Variants in BBOF1 observed in about 807,000 individuals in gnomAD.
BBOF1 encodes basal body-orientation factor 1.
A neutral mutation model predicts 68.0 loss-of-function variants in BBOF1; 62 were observed. The ratio of observed to expected loss-of-function variants is 0.91; its 90% CI spans 0.74 to 1.13. The LOEUF is 1.13. BBOF1 is among the 50% of genes most tolerant of loss of function. BBOF1 has a pLI of 0.00. For synonymous variants in BBOF1, 208 were observed against 198.8 expected (o/e 1.05, Z -0.39); for missense variants, 534 against 600.1 (o/e 0.89, Z 1.15).
intron 6 of BBOF1, 58 bp downstream of exon 6, chr14:74,046,188 C>A: frequency 7.0e-7 from 1 of 1,420,224 alleles, no homozygotes; most frequent in South Asian, 1.3e-5. Flanking sequence ...CTTTGCTGGT[C>A]TCTTTTCTTC....
chr14:74,079,606 G>A (rs2060651606), intron 10 of BBOF1, among the ~76,000 whole-genome samples: 1 of 151,668 alleles, frequency 6.6e-6, no homozygotes, highest in East Asian at 1.9e-4. Flanking sequence ...CTAGTTTTTT[G>A]TATTTTTAGT....
At chr14:74,048,146 G>C (rs569701588) in intron 7 of BBOF1, 72 bp downstream of exon 7, 1 of 1,448,898 alleles carries the variant, frequency 6.9e-7, no homozygotes, top group South Asian at 1.3e-5. Context: ...ACCAAAAATT[G>C]GGTATAATAA....
intron 4 of BBOF1, 57 bp downstream of exon 4, chr14:74,034,228 C>T (rs2059645971): frequency 2.6e-6 from 3 of 1,171,572 alleles, no homozygotes; most frequent in African/African-American, 3.2e-5. Flanking sequence ...TTAATGCCTA[C>T]AGAAGCCTTC....
chr14:74,044,332 A>G (rs2059900351), intron 5 of BBOF1, among the ~76,000 whole-genome samples: 1 of 152,122 alleles, frequency 6.6e-6, no homozygotes, highest in Admixed American at 6.6e-5. Context: ...CATTTATTTC[A>G]CTGATAGCAT....
rs545661434 is a variant in BBOF1, at chr14:74,050,741, G to A, written c.1286+546G>A. Among the ~76,000 whole-genome samples, 6 of 151,994 alleles carry A rather than the reference G, an allele frequency of 3.9e-5. No homozygotes were observed. In the South Asian group the frequency reaches 6.2e-4, roughly 16 times the overall value. On this transcript the variant is annotated intron_variant, in intron 8 of 11. Transcript: ENST00000394009. ...CATACTTTCAGAAATATTTTGTACCGTTTACTATCCTGAGATGAAATTCAT... is the reference window on the plus strand; with the variant it reads ...CATACTTTCAGAAATATTTTGTACCATTTACTATCCTGAGATGAAATTCAT...
chr14:74,042,829 C>T (rs550557248), intron 5 of BBOF1, among the ~76,000 whole-genome samples: 3 of 151,026 alleles, frequency 2.0e-5, no homozygotes, highest in African/African-American at 7.3e-5. Context: ...CTTCCTCTTT[C>T]TCTCTCTCGC....
chr14:74,077,806 T>A (rs1159342957), intron 9 of BBOF1, among the ~76,000 whole-genome samples: 5 of 152,192 alleles, frequency 3.3e-5, no homozygotes, highest in African/African-American at 9.7e-5. Flanking sequence ...CTGTTACCCA[T>A]AAAGACTGTC....
chr14:74,064,206 G>A (rs1430149642), intron 11 of BBOF1, among the ~76,000 whole-genome samples: 1 of 151,438 alleles, frequency 6.6e-6, no homozygotes, highest in Non-Finnish European at 1.5e-5. Flanking sequence ...GCTGAGGCAG[G>A]AGAAGTGCTT....
chr14:74,068,543 A>G (rs1473090293), downstream of BBOF1, among the ~76,000 whole-genome samples: 4 of 152,096 alleles, frequency 2.6e-5, no homozygotes, highest in African/African-American at 4.8e-5. Flanking sequence ...GATCGAAACC[A>G]TCCTGGCCAA....
intron 3 of BBOF1, among the ~76,000 whole-genome samples, chr14:74,031,351 G>A (rs1471060042): frequency 2.0e-5 from 3 of 152,088 alleles, no homozygotes; most frequent in African/African-American, 7.2e-5. Flanking sequence ...GGCCTTAAGC[G>A]ATCCTTCCAG....
intron 9 of BBOF1, among the ~76,000 whole-genome samples, chr14:74,056,193 G>C (rs1023173885): frequency 3.6e-5 from 5 of 137,884 alleles, no homozygotes; most frequent in Non-Finnish European, 7.8e-5. Context: ...CACAACGCCC[G>C]GCTAATTTTT....
Position 74,057,225 on chromosome 14 carries a change from C to T in BBOF1, c.1545C>T (p.Pro515=), listed in dbSNP as rs2060233475. 1 of 1,614,062 alleles carries T rather than the reference C, an allele frequency of 6.2e-7. No individual in the cohort carries two copies. Among genetic ancestry groups the T allele is most frequent in the Non-Finnish European group, 8.5e-7 (1 of 1,179,962 alleles). The part of the protein sequence containing the change: ...ISDSSGEVVL[P]TIPKEPQESD... ...ACTCTTCTGGTGAAGTGGTGCTACC[C>T]ACTATTCCAAAAGAACCTCAGGAGT... The change falls in exon 11 of 12, where the codon CCC becomes CCT. Residue 515 remains proline (P), a synonymous_variant. Transcript: ENST00000394009.
chr14:74,048,473 A>T (rs2059997973), intron 7 of BBOF1: 1 of 153,626 alleles, frequency 6.5e-6, no homozygotes, highest in South Asian at 2.1e-4. Context: ...CCACAGCAGG[A>T]ATGGTAGTGC....
chr14:74,033,029 CCTT>C lies in BBOF1; in HGVS notation c.352-995_352-993del, dbSNP rs762882786. ...CTCCCTCCTCTTCCTTCCTCATCCT[CCTT>C]CTTTCTCCTACCTTCCTCTTTATTA... On this transcript the variant is annotated intron_variant, in intron 3 of 11. Coordinates refer to ENST00000394009, the MANE Select transcript of BBOF1 (RefSeq NM_025057.3). Among the ~76,000 whole-genome samples the C allele has an allele frequency of 1.1e-4, 16 of 151,842 alleles. 1 individual carries two copies. The East Asian group carries it at 1.7e-3, about 16-fold the overall frequency.
chr14:74,049,586 C>T (rs1365076893), intron 7 of BBOF1, 116 bp from the exon 8 acceptor site: 50 of 844,010 alleles, frequency 5.9e-5, no homozygotes, highest in Non-Finnish European at 8.9e-5. Context: ...TGCTTGAACC[C>T]AGGAGATGGA....
intron 9 of BBOF1, chr14:74,071,389 C>T (rs747823616): frequency 6.2e-7 from 1 of 1,614,154 alleles, no homozygotes; most frequent in East Asian, 2.2e-5. Flanking sequence ...AATGCCTGCA[C>T]ACACTCCCAG....
chr14:74,057,525 T>C, intron 11 of BBOF1: 2 of 1,358,572 alleles, frequency 1.5e-6, no homozygotes, highest in Middle Eastern at 2.0e-4. Context: ...AGCCAAAATG[T>C]GTACTATCTT....
At chr14:74,079,963 T>C (rs771916989) in intron 10 of BBOF1, among the ~76,000 whole-genome samples, 1 of 152,012 alleles carries the variant, frequency 6.6e-6, no homozygotes, top group Non-Finnish European at 1.5e-5. Flanking sequence ...ACCTAAGCCT[T>C]GGAGATTGAG....
chr14:74,078,499 ACATACCAC>A, intron 10 of BBOF1: 1 of 235,762 alleles, frequency 4.2e-6, no homozygotes. Flanking sequence ...GACCACAGGC[ACATACCAC>A]CACACCCAGC....
Sources: gnomAD v4.1 joint callset for allele counts (sites outside exome capture counted in the v4.1 genomes callset) on GRCh38, gnomAD v4.1.1 for gene constraint, MANE v1.5 for transcripts, NCBI Gene and HGNC (gene_info 2026-07-23, HGNC 2026-07-21) for gene names.